POSTN: variants seen among roughly 807,000 people sequenced by gnomAD.
The protein encoded by POSTN is periostin.
In POSTN, 71 loss-of-function variants were observed where a neutral mutation model predicts 104.5. The observed-to-expected ratio is 0.68, with a 90% CI of 0.56 to 0.83. The LOEUF is 0.83. POSTN is among the 40% of genes least tolerant of loss of function. The probability of loss-of-function intolerance (pLI) is 0.00; values close to 1 mark genes in which losing one functional copy is unlikely to be tolerated. For missense variants in POSTN, 949 were observed against 1,006.8 expected (o/e 0.94, Z 0.78); for synonymous variants, 355 against 340.7 (o/e 1.04, Z -0.46).
intron 22 of POSTN, among the ~76,000 whole-genome samples, chr13:37,563,814 C>T (rs1160133828): frequency 2.0e-5 from 3 of 152,044 alleles, no homozygotes; most frequent in East Asian, 3.9e-4. Flanking sequence ...GCAATTTACT[C>T]TAGCTTCCAC....
At chr13:37,575,825 T>C (rs1950391004) in intron 16 of POSTN, among the ~76,000 whole-genome samples, 1 of 152,160 alleles carries the variant, frequency 6.6e-6, no homozygotes, top group Non-Finnish European at 1.5e-5. Context: ...TCTCAAATTG[T>C]GAAGCTCTAA....
At chr13:37,569,710 A>T in intron 20 of POSTN, 34 bp downstream of exon 20, 1 of 1,436,146 alleles carries the variant, frequency 7.0e-7, no homozygotes, top group Non-Finnish European at 9.8e-7. Flanking sequence ...TAGCTTAGGT[A>T]AAGTCACATT....
In POSTN at chr13:37,592,181, A is replaced by G. The variant is rs1358134112; in HGVS notation, c.219-17T>C. ...AACACAGTCCTGTACATAGGAAGAA[A>G]ATTAATATTAAAATGAGAAACTAAA... On this transcript the variant is annotated splice_polypyrimidine_tract_variant and intron_variant, in intron 2 of 22. Coordinates refer to ENST00000379747, the MANE Select transcript of POSTN (RefSeq NM_006475.3). 1 of 1,409,794 alleles carries G rather than the reference A, an allele frequency of 7.1e-7. No homozygotes were observed. Among genetic ancestry groups the G allele is most frequent in the South Asian group, 1.3e-5 (1 of 76,136 alleles). The allele number at this position is 1,409,794 out of a possible 1,614,324, so 87.3% of individuals were successfully genotyped here. A position where few individuals can be genotyped will look rare whatever the true frequency, so the allele number is the denominator to read the frequency against.
intron 17 of POSTN, among the ~76,000 whole-genome samples, chr13:37,572,345 A>G (rs1265522028): frequency 1.3e-5 from 2 of 151,544 alleles, no homozygotes; most frequent in Non-Finnish European, 3.0e-5. Context: ...ACCAGCCTAG[A>G]ACAATCCAAA....
chr13:37,571,747 G>A (rs538918676), intron 17 of POSTN, among the ~76,000 whole-genome samples: 2 of 151,810 alleles, frequency 1.3e-5, no homozygotes, highest in East Asian at 3.9e-4. Context: ...GTATGATTAT[G>A]CAAAATATTA....
intron 5 of POSTN, 95 bp from the exon 6 acceptor site, chr13:37,587,023 T>C: frequency 9.6e-7 from 1 of 1,046,530 alleles, no homozygotes; most frequent in Admixed American, 2.3e-5. Flanking sequence ...TTTATACTAG[T>C]AAATGTAACA....
chr13:37,577,918 A>G, intron 15 of POSTN, 120 bp from the exon 16 acceptor site: 1 of 1,461,122 alleles, frequency 6.8e-7, no homozygotes, highest in East Asian at 2.5e-5. Context: ...ACTTAATAGA[A>G]GTGAAGTCCT....
chr13:37,571,561 G>A (rs1950263874), intron 17 of POSTN, 103 bp from the exon 18 acceptor site: 8 of 807,332 alleles, frequency 9.9e-6, no homozygotes, highest in Non-Finnish European at 1.6e-5. Flanking sequence ...CAACTCAAAT[G>A]TCAAAGTGGT....
In POSTN at chr13:37,579,089, T is replaced by C; in HGVS notation, c.1824A>G (p.Lys608=). Residue 608 remains lysine (K), a synonymous_variant, in exon 14 of 23, where the codon AAA becomes AAG. Coordinates refer to ENST00000379747, the MANE Select transcript of POSTN (RefSeq NM_006475.3). The part of the protein sequence containing the change: ...VNDTLLVNEL[K]SKESDIMTTN... ...TTGTCATGATGTCAGATTCTTTTGA[T>C]TTCAATTCATTCACCAGAAGTGTAT... The C allele has an allele frequency of 6.2e-7, 1 of 1,613,220 alleles. No individual in the cohort carries two copies.
At chr13:37,565,399 T>G (rs1014489077) in intron 21 of POSTN, 2 of 151,970 alleles carry the variant, frequency 1.3e-5, no homozygotes, top group Non-Finnish European at 2.9e-5. Context: ...CTACTTATCT[T>G]TTTAAATTTT....
chr13:37,564,041 T>C (rs1429824891), intron 22 of POSTN, among the ~76,000 whole-genome samples: 1 of 151,132 alleles, frequency 6.6e-6, no homozygotes, highest in Non-Finnish European at 1.5e-5. Context: ...AACTGTAGCA[T>C]TGTCTCACAT....
chr13:37,586,465 T>A (rs1335960139), intron 6 of POSTN, among the ~76,000 whole-genome samples, 185 bp from the exon 7 acceptor site: 1 of 152,210 alleles, frequency 6.6e-6, no homozygotes, highest in African/African-American at 2.4e-5. Context: ...CAAATTGTGT[T>A]TGCAAGAATG....
chr13:37,583,801 A>T (rs1950668558), intron 9 of POSTN, among the ~76,000 whole-genome samples, 168 bp downstream of exon 9: 1 of 152,182 alleles, frequency 6.6e-6, no homozygotes, highest in African/African-American at 2.4e-5. Flanking sequence ...TTTAGAAATG[A>T]AGAACATTTT....
intron 2 of POSTN, among the ~76,000 whole-genome samples, chr13:37,594,472 T>G (rs1231954487): frequency 3.3e-5 from 5 of 152,030 alleles, no homozygotes; most frequent in Non-Finnish European, 5.9e-5. Flanking sequence ...AGAAGAACAT[T>G]TATGCTACCC....
intron 19 of POSTN, 131 bp downstream of exon 19, chr13:37,570,449 C>A: frequency 3.3e-6 from 2 of 605,934 alleles, no homozygotes; most frequent in South Asian, 2.4e-5. Flanking sequence ...TTATATCTGC[C>A]AAAATATGAA....
chr13:37,583,443 GT>G (rs5802885), intron 9 of POSTN, among the ~76,000 whole-genome samples: 46 of 127,262 alleles, frequency 3.6e-4, no homozygotes, highest in Non-Finnish European at 3.9e-4. Flanking sequence ...TTTAAGTTTC[GT>G]TTTTTTTTTT....
intron 17 of POSTN, among the ~76,000 whole-genome samples, chr13:37,573,747 C>T (rs938785371): frequency 9.9e-5 from 15 of 151,538 alleles, no homozygotes; most frequent in African/African-American, 3.4e-4. Flanking sequence ...TAAGTTGCTA[C>T]ATTAAGATGC....
intron 5 of POSTN, 108 bp downstream of exon 5, chr13:37,587,714 C>G: frequency 1.1e-6 from 1 of 928,294 alleles, no homozygotes; most frequent in Non-Finnish European, 1.6e-6. Flanking sequence ...ATAGCACTTA[C>G]CTTATTCTCA....
At chr13:37,593,171 C>A (rs184925582) in intron 2 of POSTN, among the ~76,000 whole-genome samples, 10 of 150,548 alleles carry the variant, frequency 6.6e-5, no homozygotes, top group Non-Finnish European at 1.5e-4. Flanking sequence ...GGTAACAGAC[C>A]AGAAAATTCA....
Sources: allele counts gnomAD v4.1 joint callset (sites outside exome capture counted in the v4.1 genomes callset), GRCh38; gene constraint gnomAD v4.1.1; transcripts MANE v1.5; gene names NCBI Gene and HGNC (gene_info 2026-07-23, HGNC 2026-07-21).